WBP1L: variants seen among roughly 807,000 people sequenced by gnomAD.
WBP1L encodes the protein WW domain binding protein 1-like.
A neutral mutation model predicts 33.7 loss-of-function variants in WBP1L; 17 were observed. The observed-to-expected ratio is 0.50, with a 90% CI of 0.34 to 0.76. WBP1L has a LOEUF of 0.76. Ranked by LOEUF, WBP1L falls within the 30% of genes least tolerant of loss-of-function variation. The pLI is 0.01. For missense variants in WBP1L, 389 were observed against 469.4 expected (o/e 0.83, Z 1.58); for synonymous variants, 173 against 190.8 (o/e 0.91, Z 0.77).
intron 1 of WBP1L, among the ~76,000 whole-genome samples, chr10:102,772,133 T>A (rs557077059): frequency 6.6e-6 from 1 of 151,824 alleles, no homozygotes; most frequent in South Asian, 2.1e-4. Flanking sequence ...TAATTTTTTG[T>A]ATTTTTAGTA....
At chr10:102,784,865 TTTTTTTC>T (rs1225223377) in intron 1 of WBP1L, among the ~76,000 whole-genome samples, 1 of 59,510 alleles carries the variant, frequency 1.7e-5, no homozygotes, top group Non-Finnish European at 5.1e-5. Context: ...CCAGCCCACT[TTTTTTTC>T]TTTTTTTTTT....
chr10:102,744,939 G>T (rs1171972820), intron 1 of WBP1L, among the ~76,000 whole-genome samples: 1 of 152,226 alleles, frequency 6.6e-6, no homozygotes, highest in African/African-American at 2.4e-5. Context: ...AAGCTTGCTT[G>T]TGCTGATTCC....
At chr10:102,765,968 C>G (rs548255647) in intron 1 of WBP1L, among the ~76,000 whole-genome samples, 29 of 152,304 alleles carry the variant, frequency 1.9e-4, no homozygotes, top group African/African-American at 6.7e-4. Context: ...CTCTTTATCT[C>G]ACCCAAAGTT....
At chr10:102,797,746 T>G (rs1420683331) in intron 1 of WBP1L, among the ~76,000 whole-genome samples, 3 of 152,056 alleles carry the variant, frequency 2.0e-5, no homozygotes, top group Admixed American at 1.3e-4. Context: ...AGAGACGGGA[T>G]TTCATCATGT....
At chr10:102,752,913 G>A (rs1327983919) in intron 1 of WBP1L, among the ~76,000 whole-genome samples, 4 of 152,162 alleles carry the variant, frequency 2.6e-5, no homozygotes, top group East Asian at 1.9e-4. Flanking sequence ...TGTTTGAGCC[G>A]TCGGGTCTTT....
chr10:102,778,828 T>C (rs1216315325), intron 1 of WBP1L, among the ~76,000 whole-genome samples: 2 of 152,170 alleles, frequency 1.3e-5, no homozygotes, highest in African/African-American at 2.4e-5. Flanking sequence ...TTATCGTACA[T>C]ATGTATGCAC....
At chr10:102,763,700 T>C (rs1415553284) in intron 1 of WBP1L, among the ~76,000 whole-genome samples, 2 of 152,170 alleles carry the variant, frequency 1.3e-5, no homozygotes, top group Non-Finnish European at 1.5e-5. Flanking sequence ...AGTATATTCA[T>C]CTGGGAAGCA....
At chr10:102,792,865 A>C (rs1843522779) in intron 1 of WBP1L, among the ~76,000 whole-genome samples, 1 of 151,736 alleles carries the variant, frequency 6.6e-6, no homozygotes, top group South Asian at 2.1e-4. Context: ...AAATTGCTGG[A>C]ATTACAGACG....
At chr10:102,756,375 A>G (rs1842976754) in intron 1 of WBP1L, among the ~76,000 whole-genome samples, 1 of 151,610 alleles carries the variant, frequency 6.6e-6, no homozygotes, top group Non-Finnish European at 1.5e-5. Context: ...GTGCCTCCAT[A>G]CTCCAGCCTG....
chr10:102,744,328 G>T (rs186149703), intron 1 of WBP1L, 185 bp downstream of exon 1: 2 of 968,196 alleles, frequency 2.1e-6, no homozygotes, highest in Admixed American at 6.1e-5. Flanking sequence ...CAGTTTTGGT[G>T]TCAAGGAGGT....
At chr10:102,754,011 T>C (rs1224855877) in intron 1 of WBP1L, among the ~76,000 whole-genome samples, 1 of 152,224 alleles carries the variant, frequency 6.6e-6, no homozygotes, top group Non-Finnish European at 1.5e-5. Context: ...TAATTTATTT[T>C]CCTCATTTAA....
intron 2 of WBP1L, among the ~76,000 whole-genome samples, chr10:102,803,376 C>G (rs994028454): frequency 6.6e-6 from 1 of 152,160 alleles, no homozygotes; most frequent in African/African-American, 2.4e-5. Context: ...TTGTAGTGAA[C>G]TCTTGGGGTT....
chr10:102,805,063 C>T (rs1455035141), intron 2 of WBP1L, among the ~76,000 whole-genome samples: 1 of 152,018 alleles, frequency 6.6e-6, no homozygotes, highest in Non-Finnish European at 1.5e-5. Context: ...GGGAGGATTA[C>T]TTGAAGCCAG....
intron 3 of WBP1L, among the ~76,000 whole-genome samples, chr10:102,811,389 C>T (rs771643738): frequency 1.3e-5 from 2 of 152,200 alleles, no homozygotes; most frequent in African/African-American, 4.8e-5. Flanking sequence ...TCCCGGACTT[C>T]CCTGGGGCTC....
At chr10:102,776,411 TAGAC>T (rs1348526072) in intron 1 of WBP1L, 10 of 1,614,062 alleles carry the variant, frequency 6.2e-6, no homozygotes, top group African/African-American at 1.3e-5. Flanking sequence ...TTTTGGGTCT[TAGAC>T]AGGTAATTGT....
chr10:102,768,364 G>GTTTTTTGT (rs1843139037), intron 1 of WBP1L, among the ~76,000 whole-genome samples: 4 of 44,578 alleles, frequency 9.0e-5, no homozygotes, highest in Non-Finnish European at 1.2e-4. Context: ...CCTGGCATTA[G>GTTTTTTGT]TTTTTTGTTT....
chr10:102,749,495 AGAGAT>A (rs1466228931), intron 1 of WBP1L, among the ~76,000 whole-genome samples: 1 of 151,164 alleles, frequency 6.6e-6, no homozygotes, highest in African/African-American at 2.4e-5. Context: ...TTTTTTAAGT[AGAGAT>A]GAGTGTCTCA....
chr10:102,752,776 G>A (rs1254431771), intron 1 of WBP1L, among the ~76,000 whole-genome samples: 1 of 152,154 alleles, frequency 6.6e-6, no homozygotes, highest in Non-Finnish European at 1.5e-5. Flanking sequence ...CGCACGCTTA[G>A]CCTGTGGAAA....
intron 2 of WBP1L, among the ~76,000 whole-genome samples, chr10:102,804,446 G>T: frequency 6.8e-6 from 1 of 146,690 alleles, no homozygotes. Context: ...TTCTGGTTCA[G>T]TGAATCTAGC....
Sources: allele counts gnomAD v4.1 joint callset (sites outside exome capture counted in the v4.1 genomes callset), GRCh38; gene constraint gnomAD v4.1.1; transcripts MANE v1.5; gene names NCBI Gene and HGNC (gene_info 2026-07-23, HGNC 2026-07-21).